NR1H4: variants seen among roughly 807,000 people sequenced by gnomAD.
The protein encoded by NR1H4 is bile acid receptor.
NR1H4 carries 23 observed loss-of-function variants against 58.5 expected under a neutral mutation model. The ratio of observed to expected loss-of-function variants is 0.39; its 90% CI spans 0.28 to 0.56. The LOEUF (loss-of-function observed/expected upper bound fraction) is 0.56, where lower values mean the gene tolerates loss of function less well. Among genes scored for constraint, NR1H4 ranks in the 20% least tolerant of loss-of-function variants. NR1H4 has a pLI of 0.58. For synonymous variants in NR1H4, 214 were observed against 198.0 expected (o/e 1.08, Z -0.68); for missense variants, 487 against 576.9 (o/e 0.84, Z 1.60).
intron 4 of NR1H4, among the ~76,000 whole-genome samples, chr12:100,512,996 T>A (rs1334749014): frequency 6.6e-6 from 1 of 152,040 alleles, no homozygotes; most frequent in African/African-American, 2.4e-5. Flanking sequence ...ATTGTTAGAA[T>A]TTTTTTTAAA....
chr12:100,515,574 T>A (rs1345346618), intron 4 of NR1H4, among the ~76,000 whole-genome samples: 3 of 152,262 alleles, frequency 2.0e-5, no homozygotes, highest in Non-Finnish European at 4.4e-5. Context: ...ATCATAGATA[T>A]GATCCAGAGA....
chr12:100,542,332 G>A (rs535388229), intron 9 of NR1H4, among the ~76,000 whole-genome samples: 1 of 152,168 alleles, frequency 6.6e-6, no homozygotes, highest in East Asian at 1.9e-4. Context: ...GGGCAACAGA[G>A]TGAGACTCAG....
chr12:100,514,768 G>A (rs1954219267), intron 4 of NR1H4, among the ~76,000 whole-genome samples: 1 of 152,060 alleles, frequency 6.6e-6, no homozygotes, highest in Non-Finnish European at 1.5e-5. Flanking sequence ...TGCTTTTAAT[G>A]AATTACTTAT....
chr12:100,534,516 C>T (rs1019769414), intron 5 of NR1H4, among the ~76,000 whole-genome samples: 1 of 152,154 alleles, frequency 6.6e-6, no homozygotes, highest in Admixed American at 6.5e-5. Flanking sequence ...TGTCATTCAC[C>T]TTTTCATTGA....
intron 1 of NR1H4, among the ~76,000 whole-genome samples, chr12:100,483,985 G>GAAAAAAAAAAAAAAAAAAA (rs61582838): frequency 1.4e-5 from 1 of 70,228 alleles, no homozygotes. Context: ...CTCTGTCTCA[G>GAAAAAAAAAAAAAAAAAAA]AAAAAAAAAA....
chr12:100,537,395 T>G (rs1247901192), intron 8 of NR1H4, among the ~76,000 whole-genome samples: 1 of 152,234 alleles, frequency 6.6e-6, no homozygotes, highest in Non-Finnish European at 1.5e-5. Context: ...GATTAAAAAT[T>G]GAAACTTTGC....
At position 100,488,767 on chromosome 12, in the gene NR1H4, A is replaced by G. The variant is rs140646122; in HGVS notation, c.-189-3736A>G. 6.5e-4 allele frequency among the ~76,000 whole-genome samples: 99 copies of G among 152,340 alleles called. 1 individual carries two copies. The highest frequency in any genetic ancestry group is 2.1e-3 in the African/African-American group (87 of 41,584). ...TTGCTGTGATATTTAGATTTAATCG[A>G]ATTATTTAAAAGTAATGCAACAACA... On this transcript the variant is annotated intron_variant, in intron 1 of 10. Coordinates refer to ENST00000392986, the MANE Select transcript of NR1H4 (RefSeq NM_001206979.2).
chr12:100,496,882 C>G (rs879516610), intron 3 of NR1H4, among the ~76,000 whole-genome samples: 1 of 152,168 alleles, frequency 6.6e-6, no homozygotes, highest in Non-Finnish European at 1.5e-5. Flanking sequence ...GCAGCTTCTT[C>G]TAGAGGTGAC....
At chr12:100,501,603 C>T (rs1482793443) in intron 3 of NR1H4, among the ~76,000 whole-genome samples, 1 of 152,152 alleles carries the variant, frequency 6.6e-6, no homozygotes, top group Non-Finnish European at 1.5e-5. Context: ...TAATACCTCC[C>T]TCCAAGGGTG....
intron 4 of NR1H4, among the ~76,000 whole-genome samples, chr12:100,529,689 T>C (rs934415593): frequency 2.6e-5 from 4 of 152,198 alleles, no homozygotes; most frequent in African/African-American, 9.7e-5. Context: ...ACCTTACTTA[T>C]TCTTCAAAGC....
intron 9 of NR1H4, among the ~76,000 whole-genome samples, chr12:100,549,603 G>T (rs1176995797): frequency 6.6e-6 from 1 of 152,106 alleles, no homozygotes; most frequent in East Asian, 1.9e-4. Flanking sequence ...AATCTTCCAT[G>T]TAATTTCATA....
intron 4 of NR1H4, among the ~76,000 whole-genome samples, chr12:100,521,471 C>G (rs968872666): frequency 2.0e-5 from 3 of 152,196 alleles, no homozygotes; most frequent in Non-Finnish European, 4.4e-5. Context: ...CAAAACTGAT[C>G]AGCATCTAAC....
At chr12:100,524,424 T>C (rs895439656) in intron 4 of NR1H4, among the ~76,000 whole-genome samples, 1 of 152,162 alleles carries the variant, frequency 6.6e-6, no homozygotes, top group African/African-American at 2.4e-5. Flanking sequence ...TGCCGGTCAC[T>C]GTGGGCCACT....
At chr12:100,507,518 A>G (rs1182495966) in intron 3 of NR1H4, among the ~76,000 whole-genome samples, 1 of 151,818 alleles carries the variant, frequency 6.6e-6, no homozygotes, top group African/African-American at 2.4e-5. Context: ...GCTGGAGTGC[A>G]GTGGCGCGAT....
intron 3 of NR1H4, chr12:100,505,549 C>A (rs945095984): frequency 1.4e-6 from 1 of 699,296 alleles, no homozygotes; most frequent in Non-Finnish European, 2.6e-6. Flanking sequence ...GACTGTCTAA[C>A]CAGAAGAATT....
chr12:100,478,749 G>A (rs1048619463), intron 1 of NR1H4, among the ~76,000 whole-genome samples: 1 of 152,066 alleles, frequency 6.6e-6, no homozygotes, highest in African/African-American at 2.4e-5. Context: ...ACATCCTGGT[G>A]CATACCAGCA....
At chr12:100,522,390 A>T (rs1412711835) in intron 4 of NR1H4, among the ~76,000 whole-genome samples, 2 of 152,192 alleles carry the variant, frequency 1.3e-5, no homozygotes, top group African/African-American at 2.4e-5. Context: ...AAATAAATTG[A>T]TACCTGTAAA....
At chr12:100,485,715 G>A (rs965420633) in intron 1 of NR1H4, among the ~76,000 whole-genome samples, 5 of 151,904 alleles carry the variant, frequency 3.3e-5, no homozygotes, top group African/African-American at 9.7e-5. Flanking sequence ...TGTATTTGTA[G>A]TAGAGAAGGG....
At chr12:100,537,190 G>C in intron 8 of NR1H4, 143 bp downstream of exon 8, 1 of 623,992 alleles carries the variant, frequency 1.6e-6, no homozygotes, top group Middle Eastern at 4.3e-4. Flanking sequence ...ACTTTGCCAA[G>C]TATTTTCACA....
Sources: gnomAD v4.1 joint callset for allele counts (sites outside exome capture counted in the v4.1 genomes callset) on GRCh38, gnomAD v4.1.1 for gene constraint, MANE v1.5 for transcripts, NCBI Gene and HGNC (gene_info 2026-07-23, HGNC 2026-07-21) for gene names.